The following ZNF407 variants were observed in gnomAD, a reference collection of about 807,000 sequenced individuals.
ZNF407 encodes the protein zinc finger protein 407.
A neutral mutation model predicts 131.2 loss-of-function variants in ZNF407; 17 were observed. The observed-to-expected ratio is 0.13, with a 90% CI of 0.09 to 0.19. The LOEUF (loss-of-function observed/expected upper bound fraction) is 0.19, where lower values mean the gene tolerates loss of function less well. ZNF407 is among the 10% of genes least tolerant of loss of function. The pLI is 1.00. For synonymous variants in ZNF407, 1,156 were observed against 1,062.0 expected (o/e 1.09, Z -1.72); for missense variants, 2,681 against 2,830.6 (o/e 0.95, Z 1.20).
chr18:74,947,979 C>T (rs1972172563), intron 8 of ZNF407, among the ~76,000 whole-genome samples: 1 of 152,192 alleles, frequency 6.6e-6, no homozygotes, highest in Non-Finnish European at 1.5e-5. Flanking sequence ...GAGAAAATGA[C>T]TTCAGAGGTA....
rs514850 is a variant in ZNF407, at chr18:74,673,217, G to A, written c.4802+32095G>A. ...CTGAACCAGATGACCACAAACTTAGGCCTTAAACAACACAAGTTTATTATG... is the reference window on the plus strand; with the variant it reads ...CTGAACCAGATGACCACAAACTTAGACCTTAAACAACACAAGTTTATTATG... On this transcript the variant is annotated intron_variant, in intron 3 of 8. Coordinates refer to ENST00000299687, the MANE Select transcript of ZNF407 (RefSeq NM_017757.3). 7.2e-5 allele frequency among the ~76,000 whole-genome samples: 11 copies of A among 152,224 alleles called. No individual in the cohort carries two copies. The East Asian group carries it at 2.1e-3, about 29-fold the overall frequency.
intron 1 of ZNF407, among the ~76,000 whole-genome samples, chr18:74,628,876 G>A (rs1983921735): frequency 6.6e-6 from 1 of 152,108 alleles, no homozygotes; most frequent in Non-Finnish European, 1.5e-5. Flanking sequence ...TACCGTGCCT[G>A]GCCGATACTT....
At chr18:74,756,749 T>G (rs1968973446) in intron 3 of ZNF407, among the ~76,000 whole-genome samples, 1 of 152,128 alleles carries the variant, frequency 6.6e-6, no homozygotes, top group Non-Finnish European at 1.5e-5. Context: ...GTAGAAGGTT[T>G]TTTTGACTCT....
chr18:74,919,136 C>A (rs1049872009), intron 7 of ZNF407, among the ~76,000 whole-genome samples: 3 of 152,174 alleles, frequency 2.0e-5, no homozygotes, highest in Admixed American at 6.5e-5. Flanking sequence ...TACATTAATT[C>A]TGCCTCGCTT....
At chr18:74,964,955 A>G (rs1031388071) in intron 8 of ZNF407, among the ~76,000 whole-genome samples, 2 of 152,236 alleles carry the variant, frequency 1.3e-5, no homozygotes, top group African/African-American at 2.4e-5. Flanking sequence ...GTGTGTATCT[A>G]TATGATTGCC....
chr18:75,033,457 A>G (rs1973269733), intron 8 of ZNF407, among the ~76,000 whole-genome samples: 1 of 152,196 alleles, frequency 6.6e-6, no homozygotes, highest in Middle Eastern at 3.2e-3. Context: ...TTGAATTTGT[A>G]CCCTTTAGTA....
chr18:75,014,609 T>G (rs1362004242), intron 8 of ZNF407, among the ~76,000 whole-genome samples: 1 of 152,128 alleles, frequency 6.6e-6, no homozygotes, highest in African/African-American at 2.4e-5. Flanking sequence ...TTAACTTTTT[T>G]TCTTCACCAT....
At chr18:74,696,351 T>C (rs1212648039) in intron 3 of ZNF407, among the ~76,000 whole-genome samples, 1 of 152,216 alleles carries the variant, frequency 6.6e-6, no homozygotes, top group Admixed American at 6.5e-5. Flanking sequence ...AATGCATACT[T>C]TGGAACATGA....
chr18:74,876,210 A>G (rs1195948379), intron 4 of ZNF407, among the ~76,000 whole-genome samples: 2 of 152,232 alleles, frequency 1.3e-5, no homozygotes, highest in Non-Finnish European at 2.9e-5. Context: ...AAAATTTATG[A>G]TAGCCAACCC....
At chr18:75,015,314 T>C (rs987626856) in intron 8 of ZNF407, among the ~76,000 whole-genome samples, 5 of 151,702 alleles carry the variant, frequency 3.3e-5, no homozygotes, top group Non-Finnish European at 5.9e-5. Context: ...TATCGATGCT[T>C]ATTATACTTA....
intron 8 of ZNF407, among the ~76,000 whole-genome samples, chr18:74,951,125 T>C (rs1007064284): frequency 1.3e-5 from 2 of 152,236 alleles, no homozygotes; most frequent in Admixed American, 6.5e-5. Flanking sequence ...TTCTCTATTA[T>C]GACCACTACT....
At chr18:75,049,894 C>G (rs1174010394) in intron 8 of ZNF407, among the ~76,000 whole-genome samples, 1 of 152,178 alleles carries the variant, frequency 6.6e-6, no homozygotes, top group African/African-American at 2.4e-5. Context: ...CATATTATTA[C>G]CGTTCTTTGC....
chr18:75,051,131 T>C (rs1012888927), intron 8 of ZNF407, among the ~76,000 whole-genome samples: 4 of 152,124 alleles, frequency 2.6e-5, no homozygotes, highest in African/African-American at 9.7e-5. Flanking sequence ...AGGCTGGAAG[T>C]ATGTACGACA....
chr18:74,789,380 C>A (rs1282463346), intron 4 of ZNF407, among the ~76,000 whole-genome samples: 1 of 151,950 alleles, frequency 6.6e-6, no homozygotes, highest in South Asian at 2.1e-4. Context: ...GGAGAGTGGT[C>A]TAAGGTAGAG....
intron 4 of ZNF407, among the ~76,000 whole-genome samples, chr18:74,796,137 A>T (rs1355827705): frequency 1.3e-5 from 2 of 152,200 alleles, no homozygotes; most frequent in Non-Finnish European, 2.9e-5. Context: ...AAAAAATCTT[A>T]ATTTTATCAT....
intron 8 of ZNF407, among the ~76,000 whole-genome samples, chr18:74,935,091 A>G (rs1440219271): frequency 6.6e-6 from 1 of 152,208 alleles, no homozygotes; most frequent in Non-Finnish European, 1.5e-5. Flanking sequence ...TATGTACCCA[A>G]TTCTCTTGAT....
chr18:74,664,999 T>G (rs1295019441), intron 3 of ZNF407, among the ~76,000 whole-genome samples: 1 of 152,242 alleles, frequency 6.6e-6, no homozygotes. Flanking sequence ...CCACTTTATT[T>G]CACCAGGTTT....
intron 8 of ZNF407, among the ~76,000 whole-genome samples, chr18:74,936,084 C>T (rs1450259060): frequency 1.3e-5 from 2 of 152,094 alleles, no homozygotes; most frequent in African/African-American, 2.4e-5. Flanking sequence ...CTTTTCACTC[C>T]AATTTCTCTA....
chr18:74,765,061 T>G (rs998276703), intron 3 of ZNF407, among the ~76,000 whole-genome samples: 2 of 152,150 alleles, frequency 1.3e-5, no homozygotes, highest in African/African-American at 4.8e-5. Flanking sequence ...CCAATTCTTG[T>G]TGTTCAAGGG....
Sources: allele counts gnomAD v4.1 joint callset (sites outside exome capture counted in the v4.1 genomes callset), GRCh38; gene constraint gnomAD v4.1.1; transcripts MANE v1.5; gene names NCBI Gene and HGNC (gene_info 2026-07-23, HGNC 2026-07-21).